FLNB: variants seen among roughly 807,000 people sequenced by gnomAD.
FLNB encodes the protein filamin B.
In FLNB, 111 loss-of-function variants were observed where a neutral mutation model predicts 250.6. The ratio of observed to expected loss-of-function variants is 0.44; its 90% CI spans 0.38 to 0.52. The LOEUF (loss-of-function observed/expected upper bound fraction) is 0.52. Ranked by LOEUF, FLNB falls within the 20% of genes least tolerant of loss-of-function variation. FLNB has a pLI of 0.00. For synonymous variants in FLNB, 1,302 were observed against 1,372.1 expected (o/e 0.95, Z 1.13); for missense variants, 2,869 against 3,447.8 (o/e 0.83, Z 4.20).
At chr3:58,062,077 C>T (rs960642740) in intron 1 of FLNB, among the ~76,000 whole-genome samples, 7 of 151,938 alleles carry the variant, frequency 4.6e-5, no homozygotes, top group Admixed American at 6.6e-5. Context: ...GGTGACAGAG[C>T]GAGACTCCAT....
chr3:58,122,492 C>G (rs879866796), intron 20 of FLNB, among the ~76,000 whole-genome samples: 1 of 130,132 alleles, frequency 7.7e-6, no homozygotes, highest in Non-Finnish European at 1.6e-5. Flanking sequence ...GATTCCGTCC[C>G]CTCCAAAAAA....
intron 40 of FLNB, 27 bp downstream of exon 40, chr3:58,154,955 C>T (rs1254297132): frequency 1.9e-6 from 3 of 1,610,418 alleles, no homozygotes; most frequent in South Asian, 2.2e-5. Context: ...CACAAGAGGA[C>T]ATTTTCCTTG....
chr3:58,168,267 G>A (rs950846716), intron 43 of FLNB, among the ~76,000 whole-genome samples, 173 bp from the exon 44 acceptor site: 4 of 152,174 alleles, frequency 2.6e-5, no homozygotes, highest in Admixed American at 1.3e-4. Flanking sequence ...CCCCCACCCC[G>A]CAGGGCCTGA....
intron 39 of FLNB, among the ~76,000 whole-genome samples, chr3:58,153,906 G>A (rs1402776132): frequency 1.3e-5 from 2 of 152,160 alleles, no homozygotes; most frequent in Admixed American, 6.5e-5. Context: ...TCTCTAATTG[G>A]GGAGCAGAGT....
At chr3:58,073,375 A>C (rs1440723164) in intron 1 of FLNB, among the ~76,000 whole-genome samples, 1 of 152,116 alleles carries the variant, frequency 6.6e-6, no homozygotes, top group African/African-American at 2.4e-5. Flanking sequence ...CTTCCAGCTC[A>C]GGAAATGTCT....
intron 1 of FLNB, among the ~76,000 whole-genome samples, chr3:58,030,488 A>G (rs969918182): frequency 3.9e-5 from 6 of 152,240 alleles, no homozygotes; most frequent in Non-Finnish European, 7.4e-5. Flanking sequence ...ACTCTGACCA[A>G]TCAGGCCTTC....
At chr3:58,108,110 G>A (rs1224917088) in intron 12 of FLNB, among the ~76,000 whole-genome samples, 1 of 151,516 alleles carries the variant, frequency 6.6e-6, no homozygotes, top group Admixed American at 6.6e-5. Context: ...GATAGCCGAT[G>A]AACAAAAACA....
intron 4 of FLNB, 116 bp downstream of exon 4, chr3:58,081,892 A>C: frequency 9.1e-7 from 1 of 1,095,558 alleles, no homozygotes; most frequent in Non-Finnish European, 1.4e-6. Context: ...TAATCCTCAA[A>C]GAGACCCCAA....
chr3:58,110,110 A>C lies in FLNB; in HGVS notation c.2424A>C (p.Thr808=). 6.2e-7 allele frequency: 1 copy of C among 1,614,208 alleles called. No homozygotes were observed. Among genetic ancestry groups the C allele is most frequent in the Non-Finnish European group, 8.5e-7 (1 of 1,180,026 alleles). Residue 808 remains threonine, a synonymous_variant, in exon 16 of 46, where the codon ACA becomes ACC. Transcript: ENST00000295956. ...DIIHNANDTF[T]VKYVPPAAGR... ...TTCACAATGCCAATGATACGTTCACAGTCAAATATGTGCCTCCTGCTGCTG... is the reference window on the plus strand; with the variant it reads ...TTCACAATGCCAATGATACGTTCACCGTCAAATATGTGCCTCCTGCTGCTG...
In FLNB at chr3:58,111,894, G is replaced by A. The variant is rs372765488; in HGVS notation, c.2575+13G>A. On this transcript the variant is annotated intron_variant, in intron 17 of 45. Coordinates refer to ENST00000295956, the MANE Select transcript of FLNB (RefSeq NM_001457.4). The stretch of plus-strand genomic sequence containing the variant: ...CTCAGCAAAGCAGGTAAGATGGCAC[G>A]TCTAGGTTGTCCTGGGCCCCTCTGC... 9 of 1,607,866 alleles carry A rather than the reference G, an allele frequency of 5.6e-6. No individual in the cohort carries two copies. Among genetic ancestry groups the A allele is most frequent in the East Asian group, 4.5e-5 (2 of 44,844 alleles).
chr3:58,020,873 G>A (rs839241), intron 1 of FLNB, among the ~76,000 whole-genome samples: 60,787 of 151,720 alleles, frequency 0.4, 14,175 homozygotes, highest in East Asian at 0.94. Flanking sequence ...TAAGATGAAA[G>A]ATGGCAAGCA....
chr3:58,114,709 T>TG (rs1248693814), intron 18 of FLNB, among the ~76,000 whole-genome samples: 1 of 143,994 alleles, frequency 6.9e-6, no homozygotes, highest in African/African-American at 2.7e-5. Context: ...TTTTTTCTGT[T>TG]TTTTTTTTTT....
chr3:58,046,500 A>G (rs1224477159), intron 1 of FLNB, among the ~76,000 whole-genome samples: 3 of 149,226 alleles, frequency 2.0e-5, no homozygotes, highest in Non-Finnish European at 3.0e-5. Context: ...CCCAGGCTGG[A>G]GTGCAGTGGT....
Position 58,110,189 on chromosome 3 carries a change from G to A in FLNB, c.2484+19G>A, listed in dbSNP as rs765081115. Reference sequence around the variant, plus strand: ...ATCTCAGGTACGTGGTGGGGCCTGGGAGGAGATGGGTGGAGTAGGCCTGGA... The same window carrying A: ...ATCTCAGGTACGTGGTGGGGCCTGGAAGGAGATGGGTGGAGTAGGCCTGGA... On this transcript the variant is annotated intron_variant, in intron 16 of 45. Transcript: ENST00000295956. The A allele has an allele frequency of 6.2e-6, 10 of 1,614,022 alleles. No individual in the cohort carries two copies. Among genetic ancestry groups the A allele is most frequent in the Non-Finnish European group, 8.5e-6 (10 of 1,179,852 alleles).
rs543579840 is a variant in FLNB, at chr3:58,168,466, A to T, written c.7225A>T (p.Thr2409Ser). 1 of 1,614,060 alleles carries T rather than the reference A, an allele frequency of 6.2e-7. No individual in the cohort carries two copies. Among genetic ancestry groups the T allele is most frequent in the Middle Eastern group, 1.6e-4 (1 of 6,062 alleles). ...TGIQSEFFINTTRAGPGTLSV... is the reference protein window; with the variant it reads ...TGIQSEFFINSTRAGPGTLSV... ...TATCCAGTCGGAATTCTTTATTAAC[A>T]CCACCCGAGCAGGTCCAGGGACATT... is the stretch of plus-strand genomic sequence containing the variant. The change falls in exon 44 of 46, where the codon ACC (threonine) becomes TCC (serine). Residue 2409 changes from threonine to serine, a missense_variant. Physicochemically the swap from Thr to Ser is moderately conservative, Grantham distance 58. Coordinates refer to ENST00000295956, the MANE Select transcript of FLNB (RefSeq NM_001457.4).
intron 24 of FLNB, among the ~76,000 whole-genome samples, chr3:58,127,752 G>T (rs1258603682): frequency 1.3e-5 from 2 of 152,178 alleles, no homozygotes; most frequent in Non-Finnish European, 2.9e-5. Context: ...ATAAATATAT[G>T]ACTTAAGTAG....
intron 5 of FLNB, among the ~76,000 whole-genome samples, chr3:58,095,784 C>G (rs1444974710): frequency 6.6e-6 from 1 of 152,234 alleles, no homozygotes; most frequent in African/African-American, 2.4e-5. Flanking sequence ...TTGTATCTGA[C>G]TTGCTCATGT....
intron 10 of FLNB, 32 bp from the exon 11 acceptor site, chr3:58,105,048 C>G (rs745329076): frequency 1.9e-6 from 3 of 1,614,014 alleles, no homozygotes; most frequent in East Asian, 4.5e-5. Context: ...CTTTACTCTT[C>G]TTTGATGCTT....
rs1474114049 is a variant in FLNB, at chr3:58,094,858, G to A, written c.810G>A (p.Met270Ile). ...YGRGIEPTGN[M>I]VKQPAKFTVD... Reference sequence around the variant, plus strand: ...CAGGAATCGAGCCCACTGGAAACATGGTGAAGCAGCCAGCCAAGTTCACTG... The same window carrying A: ...CAGGAATCGAGCCCACTGGAAACATAGTGAAGCAGCCAGCCAAGTTCACTG... Residue 270 changes from methionine to isoleucine, a missense_variant, in exon 5 of 46, where the codon ATG becomes ATA. Met to Ile is a conservative substitution (Grantham distance 10). Transcript: ENST00000295956. 6.2e-7 allele frequency: 1 copy of A among 1,613,960 alleles called. No homozygotes were observed. Among genetic ancestry groups the A allele is most frequent in the African/African-American group, 1.3e-5 (1 of 74,910 alleles).
Sources: allele counts gnomAD v4.1 joint callset (sites outside exome capture counted in the v4.1 genomes callset), GRCh38; gene constraint gnomAD v4.1.1; transcripts MANE v1.5; gene names NCBI Gene and HGNC (gene_info 2026-07-23, HGNC 2026-07-21).